Variants in HAO1 observed in about 807,000 individuals in gnomAD.
HAO1 encodes the protein 2-Hydroxyacid oxidase 1.
Under a neutral mutation model 39.7 loss-of-function variants are expected in HAO1, and 34 were observed. That is an observed-to-expected ratio of 0.86 (90% confidence interval 0.65 to 1.14). The LOEUF (loss-of-function observed/expected upper bound fraction) is 1.14. HAO1 is among the 50% of genes most tolerant of loss of function. The pLI, the probability that HAO1 is intolerant of heterozygous loss-of-function variation, is 0.00. For synonymous variants in HAO1, 172 were observed against 173.2 expected (o/e 0.99, Z 0.05); for missense variants, 479 against 464.5 (o/e 1.03, Z -0.29).
intron 2 of HAO1, among the ~76,000 whole-genome samples, chr20:7,924,274 C>A (rs1287589687): frequency 2.0e-5 from 3 of 151,806 alleles, no homozygotes. Flanking sequence ...CTTCCTAGAT[C>A]TCAGATCAGA....
At position 7,918,009 on chromosome 20, in the gene HAO1, G is replaced by T. The variant is rs73597952; in HGVS notation, c.290-3590C>A. Reference sequence around the variant, plus strand: ...ACAAGTAACTGCTGGAGTTATTGCTGCTCAGTGATTATTTTCCAATAAGTA... The same window carrying T: ...ACAAGTAACTGCTGGAGTTATTGCTTCTCAGTGATTATTTTCCAATAAGTA... On this transcript the variant is annotated intron_variant, in intron 2 of 7. Coordinates refer to ENST00000378789, the MANE Select transcript of HAO1 (RefSeq NM_017545.3). Among the ~76,000 whole-genome samples the T allele has an allele frequency of 2.1e-3, 322 of 152,302 alleles. 1 individual carries two copies. The highest frequency in any genetic ancestry group is 0.014 in the Middle Eastern group (4 of 294).
At chr20:7,914,890 G>A (rs1008582786) in intron 2 of HAO1, among the ~76,000 whole-genome samples, 19 of 152,070 alleles carry the variant, frequency 1.2e-4, no homozygotes, top group Non-Finnish European at 1.9e-4. Flanking sequence ...AGGCTGAGGC[G>A]GGTGGATCAC....
chr20:7,917,932 TAG>T (rs2050314540), intron 2 of HAO1, among the ~76,000 whole-genome samples: 1 of 152,218 alleles, frequency 6.6e-6, no homozygotes, highest in African/African-American at 2.4e-5. Flanking sequence ...TATGCATATT[TAG>T]AGAGAAGCAA....
intron 4 of HAO1, among the ~76,000 whole-genome samples, chr20:7,899,017 G>A (rs1173706908): frequency 4.6e-5 from 7 of 151,378 alleles, no homozygotes; most frequent in East Asian, 1.9e-4. Flanking sequence ...TTGAGCATAC[G>A]TATAGCTCTC....
Position 7,914,267 on chromosome 20 carries a change from C to T in HAO1, c.442G>A (p.Glu148Lys), listed in dbSNP as rs866726860. The T allele has an allele frequency of 6.2e-7, 1 of 1,613,944 alleles. No homozygotes were observed. ...EVTKKLVRQA[E>K]KMGYKAIFVT... is the part of the protein sequence containing the mutation. The stretch of plus-strand genomic sequence containing the variant: ...AATATGGCCTTGTAGCCCATCTTCT[C>T]TGCCTGCCGCACTAGCTTCTTGGTG... The change falls in exon 3 of 8, where the codon GAG (glutamate) becomes AAG (lysine). Residue 148 changes from glutamate (E) to lysine (K), a missense_variant. Coordinates refer to ENST00000378789, the MANE Select transcript of HAO1 (RefSeq NM_017545.3).
In HAO1 at chr20:7,917,339, C is replaced by CAAA. The variant is rs55848354; in HGVS notation, c.290-2923_290-2921dup. Among the ~76,000 whole-genome samples the CAAA allele has an allele frequency of 7.2e-3, 450 of 62,342 alleles. 4 individuals carry two copies. The highest frequency in any genetic ancestry group is 0.011 in the Non-Finnish European group (342 of 30,558). The allele number at this position is 62,342 out of a possible 152,430, so 40.9% of individuals were successfully genotyped here. On this transcript the variant is annotated intron_variant, in intron 2 of 7. Coordinates refer to ENST00000378789, the MANE Select transcript of HAO1 (RefSeq NM_017545.3). ...TGGATGACAGAATGAGACTCCCTGT[C>CAAA]AAAAAAAAAAAAAAAAAAAAAGTCC...
intron 4 of HAO1, among the ~76,000 whole-genome samples, chr20:7,904,970 T>C (rs1011217667): frequency 6.6e-6 from 1 of 152,164 alleles, no homozygotes; most frequent in Non-Finnish European, 1.5e-5. Flanking sequence ...TACATATTCA[T>C]TGAAGTATAA....
chr20:7,922,073 A>G (rs1320427508), intron 2 of HAO1, among the ~76,000 whole-genome samples: 1 of 152,106 alleles, frequency 6.6e-6, no homozygotes, highest in Non-Finnish European at 1.5e-5. Context: ...ATACCTTTGT[A>G]ACAAACCTGC....
chr20:7,903,633 ATGG>A (rs1468228728), intron 4 of HAO1, among the ~76,000 whole-genome samples: 4 of 144,330 alleles, frequency 2.8e-5, no homozygotes, highest in African/African-American at 7.8e-5. Context: ...GGGAGTGGTG[ATGG>A]TGGTGGTGAT....
rs1303937529 is a variant in HAO1 at position 7,906,304 on chromosome 20, A to G, written c.571T>C (p.Leu191=). ...AAATTTTCCTCAGGAGAAAATGATA[A>G]AGTACTGGTTTCAAAATTTTTCATC... is the stretch of plus-strand genomic sequence containing the variant. ...LRMKNFETST[L]SFSPEENFGD... is the part of the protein sequence containing the mutation. Residue 191 remains leucine, a synonymous_variant, in exon 4 of 8, where the codon TTA becomes CTA. Transcript: ENST00000378789. 2 of 1,609,760 alleles carry G rather than the reference A, an allele frequency of 1.2e-6. No homozygotes were observed. Among genetic ancestry groups the G allele is most frequent in the East Asian group, 4.5e-5 (2 of 44,746 alleles).
In HAO1 at chr20:7,934,522, C is replaced by A; in HGVS notation, c.251G>T (p.Arg84Leu). Residue 84 changes from arginine (R) to leucine (L), a missense_variant, in exon 2 of 8, where the codon CGC becomes CTC. By Grantham distance (102) the Arg-to-Leu change is moderately radical. Coordinates refer to ENST00000378789, the MANE Select transcript of HAO1 (RefSeq NM_017545.3). The stretch of plus-strand genomic sequence containing the variant: ...AAGCTCGCCGTCCACATGAGCCATG[C>A]GCTGCATGGCCGTAGCCCCCACACA... ...PICVGATAMQ[R>L]MAHVDGELAT... The A allele has an allele frequency of 3.1e-6, 5 of 1,612,930 alleles. No individual in the cohort carries two copies. The highest frequency in any genetic ancestry group is 4.2e-6 in the Non-Finnish European group (5 of 1,179,374).
At chr20:7,938,908 GAAAT>G (rs2050426430) in intron 1 of HAO1, among the ~76,000 whole-genome samples, 1 of 152,106 alleles carries the variant, frequency 6.6e-6, no homozygotes, top group Non-Finnish European at 1.5e-5. Flanking sequence ...GTATACAAAT[GAAAT>G]AAATAATCAC....
At chr20:7,888,487 A>T (rs1391377934) in intron 5 of HAO1, among the ~76,000 whole-genome samples, 1 of 152,162 alleles carries the variant, frequency 6.6e-6, no homozygotes, top group Non-Finnish European at 1.5e-5. Flanking sequence ...GTTTAAAATA[A>T]ACAAAAGTAG....
At chr20:7,917,269 G>A (rs748546174) in intron 2 of HAO1, among the ~76,000 whole-genome samples, 6 of 151,394 alleles carry the variant, frequency 4.0e-5, no homozygotes, top group Non-Finnish European at 8.8e-5. Flanking sequence ...GAACCCAGGA[G>A]GCGGAGATTG....
chr20:7,914,140 CG>C (rs765636411), intron 3 of HAO1, 23 bp downstream of exon 3: 14 of 1,611,986 alleles, frequency 8.7e-6, no homozygotes, highest in Admixed American at 5.0e-5. Context: ...CGCCTCAGCT[CG>C]GGGCCCACAT....
chr20:7,924,361 C>T (rs187176751), intron 2 of HAO1, among the ~76,000 whole-genome samples: 1 of 152,074 alleles, frequency 6.6e-6, no homozygotes, highest in Non-Finnish European at 1.5e-5. Context: ...TGAGAAAGCA[C>T]AAGTTATCAA....
At chr20:7,896,943 C>A (rs1268655249) in intron 4 of HAO1, among the ~76,000 whole-genome samples, 1 of 152,128 alleles carries the variant, frequency 6.6e-6, no homozygotes, top group Admixed American at 6.6e-5. Flanking sequence ...AGTTGAATAT[C>A]TTGTAGTCTG....
At chr20:7,933,926 A>T (rs897314396) in intron 2 of HAO1, among the ~76,000 whole-genome samples, 1 of 152,160 alleles carries the variant, frequency 6.6e-6, no homozygotes, top group Non-Finnish European at 1.5e-5. Context: ...CTCATCCATA[A>T]AAAAGAATCA....
intron 2 of HAO1, among the ~76,000 whole-genome samples, chr20:7,926,530 G>A (rs1310979746): frequency 6.6e-6 from 1 of 152,110 alleles, no homozygotes; most frequent in African/African-American, 2.4e-5. Context: ...TAGAGCAAAG[G>A]AAATGACAAT....
Sources: allele counts gnomAD v4.1 joint callset (sites outside exome capture counted in the v4.1 genomes callset), GRCh38; gene constraint gnomAD v4.1.1; transcripts MANE v1.5; gene names NCBI Gene and HGNC (gene_info 2026-07-23, HGNC 2026-07-21).